The following FAM83G variants were observed in gnomAD, a reference collection of about 807,000 sequenced individuals.
FAM83G encodes scaffolding CK1 anchoring protein G, also known as protein FAM83G.
FAM83G carries 38 observed loss-of-function variants against 61.5 expected under a neutral mutation model. That is an observed-to-expected ratio of 0.62 (90% confidence interval 0.48 to 0.81). The LOEUF is 0.81. FAM83G is among the 30% of genes least tolerant of loss of function. FAM83G has a pLI of 0.00. For synonymous variants in FAM83G, 470 were observed against 476.1 expected (o/e 0.99, Z 0.17); for missense variants, 989 against 1,133.6 (o/e 0.87, Z 1.83).
chr17:18,989,878 G>A (rs2043368495), intron 2 of FAM83G, among the ~76,000 whole-genome samples: 1 of 152,214 alleles, frequency 6.6e-6, no homozygotes, highest in South Asian at 2.1e-4. Context: ...CTACCTCCGA[G>A]TCAGGTCAGG....
chr17:18,976,682 C>T, intron 5 of FAM83G: 1 of 825,012 alleles, frequency 1.2e-6, no homozygotes, highest in East Asian at 2.7e-5. Flanking sequence ...AGTGAGCTCT[C>T]CTGGTGGGAC....
rs1028566075 is a variant in FAM83G at position 19,004,511 on chromosome 17, G to A, written c.-129+198C>T. ...GCTTCTTAGAGTGGGAGGCGGCCCC[G>A]GCACAGAGGCGCCCCGCAAACCGAG... On this transcript the variant is annotated intron_variant, in intron 1 of 5. Transcript: ENST00000388995. This position sits in a 1 kb window ranked among gnomAD's most constrained non-coding sequence, Gnocchi z 5.4. Among the ~76,000 whole-genome samples, 8 of 152,150 alleles carry A rather than the reference G, an allele frequency of 5.3e-5. No individual in the cohort carries two copies. The highest frequency in any genetic ancestry group is 1.2e-4 in the Non-Finnish European group (8 of 67,992).
intron 3 of FAM83G, among the ~76,000 whole-genome samples, chr17:18,981,100 G>A (rs1160342783): frequency 1.3e-5 from 2 of 152,240 alleles, no homozygotes; most frequent in African/African-American, 2.4e-5. Flanking sequence ...AGAGATGCCT[G>A]TGATGAGGAT....
chr17:18,987,237 G>C (rs534702360), intron 3 of FAM83G, among the ~76,000 whole-genome samples: 14 of 152,200 alleles, frequency 9.2e-5, no homozygotes, highest in Non-Finnish European at 1.8e-4. Context: ...TCTGGAGCAG[G>C]CCTCTACCCC....
At chr17:18,976,911 A>G (rs1197034428) in intron 5 of FAM83G, 1 of 1,613,538 alleles carries the variant, frequency 6.2e-7, no homozygotes, top group Admixed American at 1.7e-5. Flanking sequence ...GGCGGGCTCC[A>G]TCCTGGCCAG....
intron 4 of FAM83G, 165 bp from the exon 5 acceptor site, chr17:18,979,015 C>T (rs2043062207): frequency 1.2e-5 from 9 of 757,358 alleles, no homozygotes; most frequent in East Asian, 1.1e-4. Flanking sequence ...CAGACTGAGT[C>T]GGATGTCAAG....
Position 19,004,006 on chromosome 17 carries a change from G to T in FAM83G, c.36C>A (p.Asn12Lys), listed in dbSNP as rs774989252. 6.2e-7 allele frequency: 1 copy of T among 1,610,866 alleles called. No individual in the cohort carries two copies. The highest frequency in any genetic ancestry group is 8.5e-7 in the Non-Finnish European group (1 of 1,178,798). ...ACTCGCTGGAGCGCCAGTTCACATG[G>T]TTGTCGTCCAGACACTGCACCTGAG... Reference protein sequence around the residue: ...AFSQVQCLDDNHVNWRSSESK... With the variant: ...AFSQVQCLDDKHVNWRSSESK... Residue 12 changes from asparagine to lysine, a missense_variant, in exon 2 of 6, where the codon AAC (asparagine) becomes AAA (lysine). By Grantham distance (94) the Asn-to-Lys change is moderately conservative. This residue lies in a region of FAM83G where 371 missense variants were observed against 404.5 expected (regional missense o/e 0.92). Coordinates refer to ENST00000388995, the MANE Select transcript of FAM83G (RefSeq NM_001039999.3). This position sits in a 1 kb window ranked among gnomAD's most constrained non-coding sequence, Gnocchi z 5.4.
chr17:18,977,801 A>T lies in FAM83G; in HGVS notation c.1865T>A (p.Val622Glu). The T allele has an allele frequency of 6.2e-7, 1 of 1,602,526 alleles. No homozygotes were observed. ...CCGGAGAGGGACTGAGTGCTCTCTC[A>T]CCTCGAAGTACTCCTCTGACACAGA... ...ASSVSEEYFE[V>E]REHSVPLRRR... The change falls in exon 5 of 6, where the codon GTG becomes GAG. Residue 622 changes from valine (V) to glutamate (E), a missense_variant. By Grantham distance (121) the Val-to-Glu change is moderately radical (BLOSUM62 -2). Transcript: ENST00000388995.
Position 18,971,366 on chromosome 17 carries a change from T to A in FAM83G, c.2465A>T (p.Asp822Val). The change falls in exon 6 of 6, where the codon GAC (aspartate) becomes GTC (valine). Residue 822 changes from aspartate (D) to valine (V), a missense_variant. Physicochemically the swap from Asp to Val is radical, Grantham distance 152 (BLOSUM62 -3). This residue lies in a region of FAM83G where 574 missense variants were observed against 645.1 expected (regional missense o/e 0.89). Transcript: ENST00000388995. The surrounding 1 kb of genome is among the most constrained non-coding windows in gnomAD (Gnocchi z 5.5). Reference sequence around the variant, plus strand: ...CCAGGCTGGGACATGCTGCTAGGGGTCTTTGCGGTCCCGGGGGGCTTGAGC... The same window carrying A: ...CCAGGCTGGGACATGCTGCTAGGGGACTTTGCGGTCCCGGGGGGCTTGAGC... ...RRAQAPRDRK[D>V]P 6.4e-7 allele frequency: 1 copy of A among 1,553,812 alleles called. No homozygotes were observed. The highest frequency in any genetic ancestry group is 8.6e-7 in the Non-Finnish European group (1 of 1,156,576).
chr17:18,987,701 C>G (rs371970503), intron 3 of FAM83G, among the ~76,000 whole-genome samples: 116 of 152,370 alleles, frequency 7.6e-4, no homozygotes, highest in African/African-American at 2.7e-3. Context: ...CTCCTCTGCT[C>G]TTGTGCCTTA....
At chr17:18,984,634 A>C (rs1465897802) in intron 3 of FAM83G, among the ~76,000 whole-genome samples, 1 of 152,204 alleles carries the variant, frequency 6.6e-6, no homozygotes, top group Non-Finnish European at 1.5e-5. Flanking sequence ...GCACGAAGTC[A>C]ACTGGCTTTT....
At chr17:19,005,111 G>A (rs959873999), upstream of FAM83G, among the ~76,000 whole-genome samples, 1 of 152,294 alleles carries the variant, frequency 6.6e-6, no homozygotes, top group Non-Finnish European at 1.5e-5. Context: ...CGGGAAGTCC[G>A]TGCGGCTGTA....
chr17:18,970,986 G>T lies in FAM83G; in HGVS notation c.*373C>A, dbSNP rs767018885. ...GTCAGGGCCCCGCAACCACCAAACT[G>T]TCCCTGTTCCACCCTGACCCCTCCA... On this transcript the variant is annotated 3_prime_UTR_variant, in exon 6 of 6. Transcript: ENST00000388995. The T allele has an allele frequency of 1.1e-5, 18 of 1,611,856 alleles. No individual in the cohort carries two copies. The highest frequency in any genetic ancestry group is 1.7e-6 in the Non-Finnish European group (2 of 1,178,526).
Position 18,971,378 on chromosome 17 carries a change from C to CG in FAM83G, c.2452dup (p.Arg818ProfsTer182), listed in dbSNP as rs759298716. Reference sequence around the variant, plus strand: ...ATGCTGCTAGGGGTCTTTGCGGTCCCGGGGGGCTTGAGCCCTCCGTTTAGA... The same window carrying CG: ...ATGCTGCTAGGGGTCTTTGCGGTCCCGGGGGGGCTTGAGCCCTCCGTTTAGA... On this transcript the variant is annotated frameshift_variant, in exon 6 of 6. Transcript: ENST00000388995. LOFTEE classifies it high-confidence loss of function. This position sits in a 1 kb window ranked among gnomAD's most constrained non-coding sequence, Gnocchi z 5.5. 3 of 1,600,134 alleles carry CG rather than the reference C, an allele frequency of 1.9e-6. No homozygotes were observed. The highest frequency in any genetic ancestry group is 1.4e-5 in the African/African-American group (1 of 70,582).
chr17:18,986,936 C>T (rs1010340952), intron 3 of FAM83G, among the ~76,000 whole-genome samples: 4 of 152,222 alleles, frequency 2.6e-5, no homozygotes, highest in African/African-American at 7.2e-5. Context: ...GCACTAATTA[C>T]GCGGCGGGGA....
At position 18,978,591 on chromosome 17, in the gene FAM83G, C is replaced by T. The variant is rs780718186; in HGVS notation, c.1075G>A (p.Glu359Lys). ...TTCTCAGAGGAGATCTTGGCAATCT[C>T]GTCGACGCTCTTGGCCTTGACAAGT... The part of the protein sequence containing the change: ...YALVKAKSVD[E>K]IAKISSEKQE... Residue 359 changes from glutamate to lysine, a missense_variant, in exon 5 of 6, where the codon GAG becomes AAG. By Grantham distance (56) the Glu-to-Lys change is moderately conservative. Transcript: ENST00000388995. 15 of 1,613,050 alleles carry T rather than the reference C, an allele frequency of 9.3e-6. No individual in the cohort carries two copies. The highest frequency in any genetic ancestry group is 4.5e-5 in the East Asian group (2 of 44,886).
chr17:18,971,798 G>C lies in FAM83G; in HGVS notation c.2083-50C>G, dbSNP rs961218171. 1 of 1,517,180 alleles carries C rather than the reference G, an allele frequency of 6.6e-7. No individual in the cohort carries two copies. The highest frequency in any genetic ancestry group is 8.8e-7 in the Non-Finnish European group (1 of 1,133,064). 94.0% of individuals were successfully genotyped at this position (1,517,180 alleles called of 1,614,324 possible). A position where few individuals can be genotyped will look rare whatever the true frequency, so the allele number is the denominator to read the frequency against. On this transcript the variant is annotated intron_variant, in intron 5 of 5. Coordinates refer to ENST00000388995, the MANE Select transcript of FAM83G (RefSeq NM_001039999.3). This position sits in a 1 kb window ranked among gnomAD's most constrained non-coding sequence, Gnocchi z 5.5. ...AGGCTGAGCAAGAAGGGCCAACCCC[G>C]CCCCAGCACAGGACCCTGCTCAGGC...
intron 3 of FAM83G, among the ~76,000 whole-genome samples, chr17:18,983,157 T>C (rs1045168038): frequency 1.1e-4 from 16 of 152,206 alleles, no homozygotes; most frequent in Admixed American, 3.9e-4. Flanking sequence ...ACCTGCCCAC[T>C]GTCTCCCAGT....
chr17:18,999,178 T>G (rs760149238), intron 2 of FAM83G, among the ~76,000 whole-genome samples: 1 of 151,694 alleles, frequency 6.6e-6, no homozygotes, highest in Non-Finnish European at 1.5e-5. Context: ...CTCAGGAGGC[T>G]GAGGCAGGAG....
Sources: gnomAD v4.1 joint callset for allele counts (sites outside exome capture counted in the v4.1 genomes callset) on GRCh38, gnomAD v4.1.1 for gene constraint, gnomAD v4.1.1 regional missense constraint, Gnocchi (gnomAD v3.1) non-coding constraint, MANE v1.5 for transcripts, NCBI Gene and HGNC (gene_info 2026-07-23, HGNC 2026-07-21) for gene names.